AK9: variants seen among roughly 807,000 people sequenced by gnomAD.
AK9 encodes the protein adenylate kinase domain containing 1.
A neutral mutation model predicts 239.6 loss-of-function variants in AK9; 191 were observed. That is an observed-to-expected ratio of 0.80 (90% CI 0.71 to 0.90). The LOEUF (loss-of-function observed/expected upper bound fraction) is 0.90, where lower values mean the gene tolerates loss of function less well. AK9 is among the 40% of genes least tolerant of loss of function. The probability of loss-of-function intolerance (pLI) is 0.00; values close to 1 mark genes in which losing one functional copy is unlikely to be tolerated. For synonymous variants in AK9, 689 were observed against 721.0 expected, an observed-to-expected ratio of 0.96 and a Z score of 0.71; for missense variants, 1,995 against 2,214.7, an observed-to-expected ratio of 0.90 and a Z score of 1.99.
At chr6:109,536,094 T>G (rs573674386) in intron 27 of AK9, among the ~76,000 whole-genome samples, 4 of 151,820 alleles carry the variant, frequency 2.6e-5, no homozygotes, top group Non-Finnish European at 5.9e-5. Context: ...TGCAGGCTCT[T>G]TTTTGGTTCC....
chr6:109,614,089 G>T, intron 15 of AK9, 94 bp downstream of exon 15: 1 of 1,241,448 alleles, frequency 8.1e-7, no homozygotes, highest in Non-Finnish European at 1.1e-6. Context: ...TTCCAATTTT[G>T]GGGGTAATTT....
At chr6:109,676,897 G>C in intron 1 of AK9, among the ~76,000 whole-genome samples, 1 of 151,962 alleles carries the variant, frequency 6.6e-6, no homozygotes, top group African/African-American at 2.4e-5. Context: ...ATATATATCA[G>C]AATACTATGC....
intron 17 of AK9, among the ~76,000 whole-genome samples, chr6:109,603,971 A>T (rs574816000): frequency 6.6e-6 from 1 of 152,272 alleles, no homozygotes; most frequent in South Asian, 2.1e-4. Context: ...GCCTTCTGTC[A>T]CAGCTTTGCT....
intron 1 of AK9, among the ~76,000 whole-genome samples, chr6:109,685,250 A>T (rs1396810848): frequency 6.6e-6 from 1 of 152,176 alleles, no homozygotes; most frequent in African/African-American, 2.4e-5. Flanking sequence ...AAGGATTAGA[A>T]ATCATTCTAC....
chr6:109,558,617 G>A (rs1330758375), intron 24 of AK9, among the ~76,000 whole-genome samples: 2 of 152,008 alleles, frequency 1.3e-5, no homozygotes, highest in Non-Finnish European at 2.9e-5. Context: ...TATTTTGATA[G>A]CTATAACTTT....
chr6:109,617,053 T>C (rs1794267021), intron 13 of AK9, among the ~76,000 whole-genome samples: 1 of 152,016 alleles, frequency 6.6e-6, no homozygotes, highest in Non-Finnish European at 1.5e-5. Flanking sequence ...CATTCACTAG[T>C]AATAAAATGA....
At chr6:109,629,630 G>GA (rs142212078) in intron 12 of AK9, among the ~76,000 whole-genome samples, 48 of 146,818 alleles carry the variant, frequency 3.3e-4, no homozygotes, top group East Asian at 1.8e-3. Context: ...AACAGTATTT[G>GA]AAAAATTTTT....
At chr6:109,500,322 T>C (rs1011792108) in intron 35 of AK9, among the ~76,000 whole-genome samples, 1 of 152,120 alleles carries the variant, frequency 6.6e-6, no homozygotes, top group African/African-American at 2.4e-5. Flanking sequence ...AAGAGTTTTC[T>C]CTCTATGCTT....
Position 109,612,079 on chromosome 6 carries a change from C to G in AK9, c.1624G>C (p.Gly542Arg). Residue 542 changes from glycine to arginine, a missense_variant, in exon 16 of 41, where the codon GGT (glycine) becomes CGT (arginine). Gly to Arg is a moderately radical substitution (Grantham distance 125). This residue lies in a region of AK9 where 1,290 missense variants were observed against 1,392.7 expected (regional missense o/e 0.93). Transcript: ENST00000424296. Reference protein sequence around the residue: ...KVDKDDGKETGETFTFKRHSQ... With the variant: ...KVDKDDGKETRETFTFKRHSQ... ...TGCCTTTTAAATGTGAATGTTTCACCAGTTTCTTTTCCATCTGTGAATAAA... is the reference window on the plus strand; with the variant it reads ...TGCCTTTTAAATGTGAATGTTTCACGAGTTTCTTTTCCATCTGTGAATAAA... 1 of 1,538,738 alleles carries G rather than the reference C, an allele frequency of 6.5e-7. No individual in the cohort carries two copies. Among genetic ancestry groups the G allele is most frequent in the Non-Finnish European group, 8.8e-7 (1 of 1,141,396 alleles).
rs1322426672 is a variant in AK9 at position 109,691,174 on chromosome 6, T to C, written c.-39A>G. ...AAGATGGTGCCCTTCGCTTCCTCTC[T>C]CGGCAGCACGCAGGTCCCGGGAGCC... On this transcript the variant is annotated 5_prime_UTR_variant, in exon 1 of 41. Transcript: ENST00000424296. 3.5e-6 allele frequency: 2 copies of C among 578,512 alleles called. No homozygotes were observed. The highest frequency in any genetic ancestry group is 3.7e-5 in the African/African-American group (2 of 53,542). 35.8% of individuals were successfully genotyped at this position (578,512 alleles called of 1,614,324 possible).
intron 17 of AK9, among the ~76,000 whole-genome samples, chr6:109,589,932 AT>A (rs2128217754): frequency 6.6e-6 from 1 of 151,778 alleles, no homozygotes; most frequent in Non-Finnish European, 1.5e-5. Context: ...ATTATGCTGG[AT>A]TTTCTTTGTG....
intron 13 of AK9, among the ~76,000 whole-genome samples, chr6:109,618,639 T>C (rs1327024268): frequency 6.6e-6 from 1 of 152,050 alleles, no homozygotes; most frequent in Non-Finnish European, 1.5e-5. Flanking sequence ...TAGAGAAGGG[T>C]GTTAAGTGAT....
rs571259360 is a variant in AK9, at chr6:109,517,268, T to G, written c.3634-626A>C. 4.6e-5 allele frequency among the ~76,000 whole-genome samples: 7 copies of G among 152,300 alleles called. No individual in the cohort carries two copies. In the East Asian group the frequency reaches 1.3e-3, roughly 29 times the overall value. On this transcript the variant is annotated intron_variant, in intron 29 of 40. Coordinates refer to ENST00000424296, the MANE Select transcript of AK9 (RefSeq NM_001145128.3). ...TTTGTCTTTCCAAGTTGGGGAGGCA[T>G]GCTAACACTGCCTCCAACCTGCCAT...
chr6:109,672,676 G>A (rs971944947), intron 3 of AK9, among the ~76,000 whole-genome samples: 2 of 151,962 alleles, frequency 1.3e-5, no homozygotes, highest in Non-Finnish European at 1.5e-5. Context: ...ACAAAGTGAG[G>A]GCGTGTCTCA....
rs1451957381 is a variant in AK9 at position 109,534,084 on chromosome 6, T to A, written c.3351-614A>T. 2.0e-5 allele frequency among the ~76,000 whole-genome samples: 3 copies of A among 152,168 alleles called. No individual in the cohort carries two copies. In the East Asian group the frequency reaches 5.8e-4, roughly 29 times the overall value. ...GTAACTGATGACAATTGTTAATGTA[T>A]GTATCCTGGTTCCTATGGGCAAGAT... On this transcript the variant is annotated intron_variant, in intron 27 of 40. Transcript: ENST00000424296.
chr6:109,581,047 T>C (rs1788793688), intron 19 of AK9, among the ~76,000 whole-genome samples: 1 of 152,150 alleles, frequency 6.6e-6, no homozygotes, highest in Non-Finnish European at 1.5e-5. Context: ...CTATTATCAT[T>C]GTTTGGGGCA....
At chr6:109,617,646 T>C (rs1794332411) in intron 13 of AK9, among the ~76,000 whole-genome samples, 1 of 152,200 alleles carries the variant, frequency 6.6e-6, no homozygotes, top group Non-Finnish European at 1.5e-5. Flanking sequence ...CAAAATGTAT[T>C]ATAATAATTA....
intron 24 of AK9, among the ~76,000 whole-genome samples, chr6:109,552,022 C>A (rs756075621): frequency 5.9e-5 from 9 of 152,126 alleles, no homozygotes; most frequent in Non-Finnish European, 1.0e-4. Context: ...TGACTTCCAG[C>A]TCCATTCATG....
intron 31 of AK9, 88 bp from the exon 32 acceptor site, chr6:109,514,525 C>T: frequency 8.7e-7 from 1 of 1,150,952 alleles, no homozygotes; most frequent in Non-Finnish European, 1.2e-6. Flanking sequence ...CAATTCGTGA[C>T]ATAAGAAAAA....
Sources: gnomAD v4.1 joint callset for allele counts (sites outside exome capture counted in the v4.1 genomes callset) on GRCh38, gnomAD v4.1.1 for gene constraint, gnomAD v4.1.1 regional missense constraint, MANE v1.5 for transcripts, NCBI Gene and HGNC (gene_info 2026-07-23, HGNC 2026-07-21) for gene names.